SLC36A2: variants seen among roughly 807,000 people sequenced by gnomAD.
SLC36A2 encodes the protein proton-coupled amino acid transporter 2.
Under a neutral mutation model 42.7 loss-of-function variants are expected in SLC36A2, and 39 were observed. The observed-to-expected ratio is 0.91, with a 90% CI of 0.71 to 1.19. SLC36A2 has a LOEUF of 1.19. Among genes scored for constraint, SLC36A2 ranks in the 50% most tolerant of loss-of-function variants. SLC36A2 has a pLI of 0.00. For missense variants in SLC36A2, 590 were observed against 613.7 expected (o/e 0.96, Z 0.41); for synonymous variants, 237 against 240.8 (o/e 0.98, Z 0.15).
At position 151,321,924 on chromosome 5, in the gene SLC36A2, C is replaced by T. The variant is rs112435083; in HGVS notation, c.1180+122G>A. 2.1e-3 allele frequency: 2,676 copies of T among 1,280,368 alleles called. 32 individuals are homozygous for T. The African/African-American group carries it at 0.031, about 15-fold the overall frequency. The allele number at this position is 1,280,368 out of a possible 1,614,324, so 79.3% of individuals were successfully genotyped here. On this transcript the variant is annotated intron_variant, in intron 9 of 9. Coordinates refer to ENST00000335244, the MANE Select transcript of SLC36A2 (RefSeq NM_181776.3). ...AACTCCTGACCTCAGGTGATCCACC[C>T]GCCTCGGCCTCCCAAAGTGCCAGGA...
chr5:151,323,037 A>T (rs1025772831), intron 8 of SLC36A2, among the ~76,000 whole-genome samples: 14 of 152,226 alleles, frequency 9.2e-5, no homozygotes, highest in Admixed American at 9.2e-4. Flanking sequence ...CGAATTTGAG[A>T]CCAGTCTGGC....
chr5:151,331,099 C>T (rs1174686316), intron 7 of SLC36A2, among the ~76,000 whole-genome samples: 1 of 152,062 alleles, frequency 6.6e-6, no homozygotes, highest in Admixed American at 6.6e-5. Flanking sequence ...AAAGAATAGC[C>T]TTTTCAACAA....
intron 5 of SLC36A2, among the ~76,000 whole-genome samples, chr5:151,336,040 A>T (rs539377766): frequency 7.5e-4 from 114 of 152,290 alleles, no homozygotes; most frequent in African/African-American, 2.6e-3. Flanking sequence ...TAGTTAAAAA[A>T]TAAGTGTAAC....
intron 8 of SLC36A2, among the ~76,000 whole-genome samples, chr5:151,323,456 G>A (rs372793818): frequency 2.5e-4 from 38 of 152,278 alleles, no homozygotes; most frequent in African/African-American, 9.1e-4. Context: ...ACCACAGCCA[G>A]ATCCTTGTAG....
chr5:151,341,447 T>C (rs1265622368), intron 4 of SLC36A2, among the ~76,000 whole-genome samples: 1 of 152,144 alleles, frequency 6.6e-6, no homozygotes, highest in East Asian at 1.9e-4. Context: ...TGCAGCAGTT[T>C]AGGGAAGCAC....
chr5:151,333,871 C>T (rs1211924009), intron 6 of SLC36A2, among the ~76,000 whole-genome samples: 1 of 152,076 alleles, frequency 6.6e-6, no homozygotes, highest in African/African-American at 2.4e-5. Flanking sequence ...CAAAAGAAGA[C>T]CTTACACACC....
At chr5:151,343,415 TA>T in intron 3 of SLC36A2, 94 bp downstream of exon 3, 1 of 1,308,482 alleles carries the variant, frequency 7.6e-7, no homozygotes, top group Non-Finnish European at 1.1e-6. Context: ...TGGAGAAAAC[TA>T]AGAAGTAAAT....
intron 8 of SLC36A2, among the ~76,000 whole-genome samples, chr5:151,323,961 C>G (rs959703107): frequency 1.3e-5 from 2 of 152,154 alleles, no homozygotes; most frequent in South Asian, 2.1e-4. Context: ...TTGAGAAGAC[C>G]GAAATGTCCT....
chr5:151,339,406 C>G (rs1367536868), intron 4 of SLC36A2, among the ~76,000 whole-genome samples: 1 of 151,672 alleles, frequency 6.6e-6, no homozygotes, highest in Non-Finnish European at 1.5e-5. Context: ...CCTCTGCCTC[C>G]CAGGTTCAAA....
At chr5:151,346,356 G>A (rs1230325798) in intron 1 of SLC36A2, among the ~76,000 whole-genome samples, 1 of 152,130 alleles carries the variant, frequency 6.6e-6, no homozygotes, top group Non-Finnish European at 1.5e-5. Context: ...GATGGCTGTG[G>A]GGAGGGGCTT....
chr5:151,322,016 C>T, intron 9 of SLC36A2, 30 bp downstream of exon 9: 1 of 1,613,798 alleles, frequency 6.2e-7, no homozygotes, highest in South Asian at 1.1e-5. Flanking sequence ...AAAAGATCAG[C>T]AGGAACACTG....
chr5:151,324,019 A>T (rs1755780334), intron 8 of SLC36A2, among the ~76,000 whole-genome samples: 1 of 152,214 alleles, frequency 6.6e-6, no homozygotes, highest in African/African-American at 2.4e-5. Context: ...GCACAGTGGG[A>T]TGTGGGTTCA....
intron 3 of SLC36A2, 58 bp from the exon 4 acceptor site, chr5:151,343,041 G>T: frequency 7.2e-7 from 1 of 1,387,014 alleles, no homozygotes; most frequent in Non-Finnish European, 1.0e-6. Context: ...AACTCACATG[G>T]TCAAAAGTCA....
intron 6 of SLC36A2, among the ~76,000 whole-genome samples, chr5:151,334,090 C>T (rs1462140595): frequency 6.6e-6 from 1 of 151,968 alleles, no homozygotes; most frequent in African/African-American, 2.4e-5. Context: ...ACCTTGTGAC[C>T]CAGAATGTGA....
rs1755463440 is a variant in SLC36A2 at position 151,315,370 on chromosome 5, TG to T, written c.*1446del. The T allele has an allele frequency of 6.6e-6, 1 of 152,318 alleles. No individual in the cohort carries two copies. The highest frequency in any genetic ancestry group is 2.4e-5 in the African/African-American group (1 of 41,444). The allele number at this position is 152,318 out of a possible 1,614,324, so 9.4% of individuals were successfully genotyped here. A position where few individuals can be genotyped will look rare whatever the true frequency, so the allele number is the denominator to read the frequency against. On this transcript the variant is annotated 3_prime_UTR_variant, in exon 10 of 10. Coordinates refer to ENST00000335244, the MANE Select transcript of SLC36A2 (RefSeq NM_181776.3). The stretch of plus-strand genomic sequence containing the variant: ...GAGGCTGGGCGTGGTGGCTCACACT[TG>T]TAATCTCAGCACTTTGGGAGGCCGA...
At chr5:151,324,328 T>TA (rs1266423199) in intron 8 of SLC36A2, among the ~76,000 whole-genome samples, 2 of 150,532 alleles carry the variant, frequency 1.3e-5, no homozygotes, top group African/African-American at 4.9e-5. Context: ...TTTATTTATT[T>TA]ATTTATTTAT....
intron 5 of SLC36A2, among the ~76,000 whole-genome samples, chr5:151,338,387 A>G (rs1756216864): frequency 6.7e-6 from 1 of 150,182 alleles, no homozygotes; most frequent in African/African-American, 2.5e-5. Context: ...GATTAAGTAG[A>G]TGGCCCAAGG....
intron 4 of SLC36A2, 44 bp downstream of exon 4, chr5:151,342,844 C>T: frequency 2.0e-6 from 3 of 1,532,564 alleles, no homozygotes; most frequent in South Asian, 2.2e-5. Context: ...GCATTTTCTC[C>T]TCCTGTGTCC....
In SLC36A2 at chr5:151,344,225, G is replaced by C; in HGVS notation, c.207C>G (p.Gly69=). Reference sequence around the variant, plus strand: ...CGAGGGGTAGTCCCAGGATCCCTGTGCCCATGTTGCCTTTCACCAGGTGAA... The same window carrying C: ...CGAGGGGTAGTCCCAGGATCCCTGTCCCCATGTTGCCTTTCACCAGGTGAA... ...ALIHLVKGNM[G]TGILGLPLAV... The change falls in exon 2 of 10, where the codon GGC becomes GGG. Residue 69 remains glycine (G), a synonymous_variant. Coordinates refer to ENST00000335244, the MANE Select transcript of SLC36A2 (RefSeq NM_181776.3). The C allele has an allele frequency of 6.2e-7, 1 of 1,614,174 alleles. No individual in the cohort carries two copies. Among genetic ancestry groups the C allele is most frequent in the Non-Finnish European group, 8.5e-7 (1 of 1,180,030 alleles).
Sources: allele counts gnomAD v4.1 joint callset (sites outside exome capture counted in the v4.1 genomes callset), GRCh38; gene constraint gnomAD v4.1.1; transcripts MANE v1.5; gene names NCBI Gene and HGNC (gene_info 2026-07-23, HGNC 2026-07-21).